The following MICU3 variants were observed in gnomAD, a reference collection of about 807,000 sequenced individuals.
MICU3 encodes the protein calcium uptake protein 3, mitochondrial.
In MICU3, 62 loss-of-function variants were observed where a neutral mutation model predicts 66.5. The observed-to-expected ratio is 0.93, with a 90% CI of 0.76 to 1.15. The LOEUF (loss-of-function observed/expected upper bound fraction) is 1.15, where lower values mean the gene tolerates loss of function less well. Among genes scored for constraint, MICU3 ranks in the 50% most tolerant of loss-of-function variants. MICU3 has a pLI of 0.00. For missense variants in MICU3, 779 were observed against 664.4 expected (o/e 1.17, Z -1.90); for synonymous variants, 308 against 240.7 (o/e 1.28, Z -2.59).
intron 4 of MICU3, among the ~76,000 whole-genome samples, chr8:17,079,976 G>A (rs959671959): frequency 3.9e-5 from 6 of 152,096 alleles, no homozygotes; most frequent in African/African-American, 1.4e-4. Flanking sequence ...ATGCTTTTAA[G>A]GAACTTCCCT....
chr8:17,049,793 C>T (rs1815749511), intron 1 of MICU3, among the ~76,000 whole-genome samples: 1 of 152,164 alleles, frequency 6.6e-6, no homozygotes, highest in African/African-American at 2.4e-5. Flanking sequence ...TGTACAGTTG[C>T]ACTAATAATA....
chr8:17,107,394 T>A (rs1475861868), intron 11 of MICU3, among the ~76,000 whole-genome samples: 1 of 152,078 alleles, frequency 6.6e-6, no homozygotes, highest in Non-Finnish European at 1.5e-5. Flanking sequence ...TTAGTTTATT[T>A]GAGAAAATGC....
At chr8:17,119,182 A>G (rs1802979357) in intron 14 of MICU3, among the ~76,000 whole-genome samples, 1 of 152,156 alleles carries the variant, frequency 6.6e-6, no homozygotes, top group African/African-American at 2.4e-5. Flanking sequence ...GAGAAAAATC[A>G]ATGTTTAACA....
intron 2 of MICU3, among the ~76,000 whole-genome samples, chr8:17,068,289 A>C (rs1002447081): frequency 1.3e-5 from 2 of 152,168 alleles, no homozygotes; most frequent in Non-Finnish European, 2.9e-5. Flanking sequence ...GAACATGGTG[A>C]CATTTCCGAC....
chr8:17,090,901 G>T (rs1295749235), intron 8 of MICU3, among the ~76,000 whole-genome samples: 1 of 152,070 alleles, frequency 6.6e-6, no homozygotes, highest in African/African-American at 2.4e-5. Flanking sequence ...AGAGAGAGCA[G>T]ATTCTCAGGC....
intron 9 of MICU3, 21 bp from the exon 10 acceptor site, chr8:17,104,370 A>G (rs765409458): frequency 2.3e-6 from 3 of 1,278,624 alleles, no homozygotes; most frequent in Admixed American, 2.6e-5. Flanking sequence ...GCTAACTTTT[A>G]AATTGTGATT....
At chr8:17,077,086 A>G (rs1820489084) in intron 3 of MICU3, among the ~76,000 whole-genome samples, 1 of 152,232 alleles carries the variant, frequency 6.6e-6, no homozygotes, top group African/African-American at 2.4e-5. Flanking sequence ...CAAATGTCTA[A>G]ATTCTCCAGT....
chr8:17,046,252 C>T (rs1815063885), intron 1 of MICU3, among the ~76,000 whole-genome samples: 1 of 152,106 alleles, frequency 6.6e-6, no homozygotes, highest in South Asian at 2.1e-4. Context: ...TCTCCAGGTA[C>T]ACAGTGTCAG....
At chr8:17,114,296 CA>C in intron 12 of MICU3, 95 bp downstream of exon 12, 2 of 711,300 alleles carry the variant, frequency 2.8e-6, no homozygotes, top group South Asian at 4.0e-5. Context: ...ACATATCACC[CA>C]TCAACTTGTG....
rs1374485340 is a variant in MICU3, at chr8:17,027,507, G to C, written c.228G>C (p.Gly76=). Residue 76 remains glycine (G), a synonymous_variant, in exon 1 of 15, where the codon GGG becomes GGC. Coordinates refer to ENST00000318063, the MANE Select transcript of MICU3 (RefSeq NM_181723.3). ...GCGTGGCGGCGGCGGCCGGCGGGGG[G>C]CTGGTCGGCCTGGTATGCTACCAGC... is the stretch of plus-strand genomic sequence containing the variant. ...ELSVAAAAGG[G]LVGLVCYQLY... is the part of the protein sequence containing the mutation. The C allele has an allele frequency of 7.8e-7, 1 of 1,284,068 alleles. No individual in the cohort carries two copies. Among genetic ancestry groups the C allele is most frequent in the African/African-American group, 1.5e-5 (1 of 64,772 alleles). 79.5% of individuals were successfully genotyped at this position (1,284,068 alleles called of 1,614,324 possible). A position where few individuals can be genotyped will look rare whatever the true frequency, so the allele number is the denominator to read the frequency against.
intron 4 of MICU3, among the ~76,000 whole-genome samples, chr8:17,079,793 C>T (rs889739596): frequency 6.6e-6 from 1 of 151,974 alleles, no homozygotes; most frequent in Non-Finnish European, 1.5e-5. Flanking sequence ...CCATGCCTGG[C>T]TAAAGACTAA....
rs376971575 is a variant in MICU3 at position 17,069,766 on chromosome 8, G to A, written c.567+47G>A. 280 of 690,808 alleles carry A rather than the reference G, an allele frequency of 4.1e-4. 1 individual carries two copies. The highest frequency in any genetic ancestry group is 6.1e-4 in the Admixed American group (20 of 32,728). The allele number at this position is 690,808 out of a possible 1,614,324, so 42.8% of individuals were successfully genotyped here. On this transcript the variant is annotated intron_variant, in intron 3 of 14. Coordinates refer to ENST00000318063, the MANE Select transcript of MICU3 (RefSeq NM_181723.3). ...ATATACACAAATTTTATATGTGCATGCATATATACATATATAATTAAAATA... is the reference window on the plus strand; with the variant it reads ...ATATACACAAATTTTATATGTGCATACATATATACATATATAATTAAAATA...
the MICU3 span, among the ~76,000 whole-genome samples, chr8:17,129,592 C>T: frequency 3.9e-5 from 6 of 151,976 alleles, 1 homozygote; most frequent in African/African-American, 1.4e-4. Flanking sequence ...ACAAGCTATC[C>T]AAACTGATGC....
intron 3 of MICU3, among the ~76,000 whole-genome samples, chr8:17,069,927 T>G (rs1585327122): frequency 6.6e-6 from 1 of 151,986 alleles, no homozygotes; most frequent in East Asian, 1.9e-4. Context: ...CTGGTGAAAA[T>G]GTAGATTACT....
chr8:17,084,644 A>G (rs1446657372), intron 5 of MICU3, among the ~76,000 whole-genome samples: 1 of 152,092 alleles, frequency 6.6e-6, no homozygotes, highest in Non-Finnish European at 1.5e-5. Flanking sequence ...CCTCATTATT[A>G]TAAGGTTCAT....
In MICU3 at chr8:17,110,538, C is replaced by A. The variant is rs144460052; in HGVS notation, c.1258-3555C>A. Among the ~76,000 whole-genome samples the A allele has an allele frequency of 1.3e-3, 199 of 152,026 alleles. 1 individual carries two copies. The highest frequency in any genetic ancestry group is 2.2e-3 in the Non-Finnish European group (149 of 67,966). On this transcript the variant is annotated intron_variant, in intron 11 of 14. Coordinates refer to ENST00000318063, the MANE Select transcript of MICU3 (RefSeq NM_181723.3). ...AGCATGTAACCTTTTTGTTTGGGTT[C>A]TTTCATAGTATTTTTATTATTCACT...
chr8:17,085,149 T>C, intron 5 of MICU3, 87 bp from the exon 6 acceptor site: 1 of 816,088 alleles, frequency 1.2e-6, no homozygotes, highest in Non-Finnish European at 2.0e-6. Context: ...CAATACAGAA[T>C]ATGAGTAACT....
chr8:17,100,366 G>GA (rs1033272196), intron 9 of MICU3, among the ~76,000 whole-genome samples: 3 of 151,690 alleles, frequency 2.0e-5, no homozygotes, highest in African/African-American at 7.3e-5. Context: ...AAGAGGAAAA[G>GA]AAAAGAAAAC....
intron 1 of MICU3, among the ~76,000 whole-genome samples, chr8:17,054,737 T>TC (rs1816637709): frequency 7.8e-6 from 1 of 128,170 alleles, no homozygotes; most frequent in Non-Finnish European, 1.6e-5. Flanking sequence ...TTTCTTTCTT[T>TC]CTTTTTTTTT....
Sources: allele counts gnomAD v4.1 joint callset (sites outside exome capture counted in the v4.1 genomes callset), GRCh38; gene constraint gnomAD v4.1.1; transcripts MANE v1.5; gene names NCBI Gene and HGNC (gene_info 2026-07-23, HGNC 2026-07-21).